Variants in GRM7 observed in about 807,000 individuals in gnomAD.
GRM7 encodes glutamate metabotropic receptor 7, also known as metabotropic glutamate receptor 7.
Under a neutral mutation model 84.5 loss-of-function variants are expected in GRM7, and 35 were observed. That is an observed-to-expected ratio of 0.41 (90% CI 0.32 to 0.55). The LOEUF is 0.55. Ranked by LOEUF, GRM7 falls within the 20% of genes least tolerant of loss-of-function variation. The probability of loss-of-function intolerance (pLI) is 0.19; values close to 1 mark genes in which losing one functional copy is unlikely to be tolerated. For missense variants in GRM7, 1,003 were observed against 1,194.6 expected (o/e 0.84, Z 2.36); for synonymous variants, 487 against 455.1 (o/e 1.07, Z -0.89).
At chr3:7,734,428 G>A (rs2106529291) in intron 9 of GRM7, among the ~76,000 whole-genome samples, 1 of 152,320 alleles carries the variant, frequency 6.6e-6, no homozygotes, top group Middle Eastern at 3.4e-3. Flanking sequence ...AAAGTGAACA[G>A]CTTACAGATT....
intron 7 of GRM7, among the ~76,000 whole-genome samples, chr3:7,470,380 G>A (rs1698649793): frequency 6.6e-6 from 1 of 152,176 alleles, no homozygotes; most frequent in Non-Finnish European, 1.5e-5. Flanking sequence ...GACTGCCTTA[G>A]TAAAGAAAAT....
At chr3:7,351,544 C>T (rs1042413389) in intron 4 of GRM7, among the ~76,000 whole-genome samples, 1 of 151,700 alleles carries the variant, frequency 6.6e-6, no homozygotes, top group Non-Finnish European at 1.5e-5. Flanking sequence ...GAGGGTATCT[C>T]CAGAGGAGAT....
At chr3:7,228,175 G>A (rs991027194) in intron 2 of GRM7, among the ~76,000 whole-genome samples, 3 of 152,078 alleles carry the variant, frequency 2.0e-5, no homozygotes, top group Non-Finnish European at 4.4e-5. Context: ...CAAATTTGAG[G>A]CACATGAACT....
chr3:6,864,210 C>T (rs1388536694), intron 1 of GRM7, among the ~76,000 whole-genome samples: 3 of 152,122 alleles, frequency 2.0e-5, no homozygotes, highest in Non-Finnish European at 4.4e-5. Context: ...TTTTCACCTG[C>T]GTTTATGGAG....
intron 1 of GRM7, among the ~76,000 whole-genome samples, chr3:7,020,495 C>G (rs192992654): frequency 6.6e-6 from 1 of 152,304 alleles, no homozygotes; most frequent in African/African-American, 2.4e-5. Flanking sequence ...AAACATTGGG[C>G]TTCATTGTTC....
At chr3:7,095,056 T>C (rs1202887047) in intron 1 of GRM7, among the ~76,000 whole-genome samples, 2 of 151,924 alleles carry the variant, frequency 1.3e-5, no homozygotes, top group Non-Finnish European at 2.9e-5. Context: ...TCCTACAATA[T>C]GTTCTTAGGT....
Position 6,945,896 on chromosome 3 carries a change from T to A in GRM7, c.519+83989T>A, listed in dbSNP as rs538901228. Among the ~76,000 whole-genome samples the A allele has an allele frequency of 5.9e-5, 9 of 152,340 alleles. No homozygotes were observed. In the South Asian group the frequency reaches 1.7e-3, roughly 28 times the overall value. ...GTGTCTGTTCATATCCTTCACCCAC[T>A]TTTTGGTGGGGTTGTTTTTTTCTTG... is the stretch of plus-strand genomic sequence containing the variant. On this transcript the variant is annotated intron_variant, in intron 1 of 9. Coordinates refer to ENST00000357716, the MANE Select transcript of GRM7 (RefSeq NM_000844.4).
At chr3:7,541,732 C>G (rs1388746561) in intron 7 of GRM7, among the ~76,000 whole-genome samples, 1 of 152,196 alleles carries the variant, frequency 6.6e-6, no homozygotes, top group Non-Finnish European at 1.5e-5. Flanking sequence ...GGCTTGCCTT[C>G]AATCACTTAG....
chr3:7,327,266 C>A (rs1298652598), intron 4 of GRM7, among the ~76,000 whole-genome samples: 3 of 152,196 alleles, frequency 2.0e-5, no homozygotes, highest in South Asian at 2.1e-4. Context: ...AGTGAATATT[C>A]ATGAATTTCT....
At chr3:7,227,379 G>T (rs1697017374) in intron 2 of GRM7, among the ~76,000 whole-genome samples, 1 of 152,146 alleles carries the variant, frequency 6.6e-6, no homozygotes, top group Admixed American at 6.5e-5. Context: ...GTTGCCTTGG[G>T]AATGTCTACC....
intron 2 of GRM7, among the ~76,000 whole-genome samples, chr3:7,250,471 C>A (rs9311984): frequency 1 from 151,529 of 151,530 alleles, 75,764 homozygotes; most frequent in Middle Eastern, 1. Context: ...ATGTGTGTGC[C>A]TATACACATA....
intron 7 of GRM7, among the ~76,000 whole-genome samples, chr3:7,506,404 T>C (rs1700040815): frequency 6.6e-6 from 1 of 152,194 alleles, no homozygotes. Flanking sequence ...TTCATGATAA[T>C]AAAGACTTTT....
intron 7 of GRM7, among the ~76,000 whole-genome samples, chr3:7,466,248 C>T (rs1458633339): frequency 1.3e-5 from 2 of 152,092 alleles, no homozygotes; most frequent in East Asian, 1.9e-4. Context: ...CCCAAGTTCA[C>T]AGTCTAGGTA....
chr3:6,884,390 T>C (rs1695617648), intron 1 of GRM7: 1 of 152,584 alleles, frequency 6.6e-6, no homozygotes, highest in African/African-American at 2.4e-5. Context: ...TTCTAAAATA[T>C]TGTACACACT....
rs1559412000 is a variant in GRM7, at chr3:7,572,876, AT to A, written c.1516-5545del. On this transcript the variant is annotated intron_variant, in intron 7 of 9. Coordinates refer to ENST00000357716, the MANE Select transcript of GRM7 (RefSeq NM_000844.4). Reference sequence around the variant, plus strand: ...TATATATATATATATATATATATATATATAAATAATCTTTCTACCTATAATA... The same window carrying A: ...TATATATATATATATATATATATATAATAAATAATCTTTCTACCTATAATA... 2.5e-3 allele frequency among the ~76,000 whole-genome samples: 217 copies of A among 88,284 alleles called. 13 individuals carry two copies. The highest frequency in any genetic ancestry group is 4.0e-3 in the African/African-American group (87 of 21,554). The allele number at this position is 88,284 out of a possible 152,430, so 57.9% of individuals were successfully genotyped here. A position where few individuals can be genotyped will look rare whatever the true frequency, so the allele number is the denominator to read the frequency against.
chr3:7,294,395 C>A (rs191464074), intron 2 of GRM7, among the ~76,000 whole-genome samples: 42 of 152,276 alleles, frequency 2.8e-4, no homozygotes, highest in African/African-American at 1.0e-3. Flanking sequence ...ATCCCTCTAT[C>A]CTCCATAATG....
At chr3:6,994,468 G>A (rs1239767178) in intron 1 of GRM7, among the ~76,000 whole-genome samples, 2 of 152,194 alleles carry the variant, frequency 1.3e-5, no homozygotes, top group Non-Finnish European at 2.9e-5. Context: ...TAGTAACAAT[G>A]TTCAAAGAGT....
chr3:7,125,539 G>A (rs894120316), intron 1 of GRM7, among the ~76,000 whole-genome samples: 2 of 152,098 alleles, frequency 1.3e-5, no homozygotes, highest in African/African-American at 2.4e-5. Context: ...CTAAAGATAA[G>A]GTTATGATGT....
At chr3:7,097,169 G>A (rs1223361579) in intron 1 of GRM7, among the ~76,000 whole-genome samples, 1 of 152,128 alleles carries the variant, frequency 6.6e-6, no homozygotes, top group Non-Finnish European at 1.5e-5. Context: ...AGCAGATGGA[G>A]AGTGGTAGAC....
Sources: gnomAD v4.1 joint callset for allele counts (sites outside exome capture counted in the v4.1 genomes callset) on GRCh38, gnomAD v4.1.1 for gene constraint, MANE v1.5 for transcripts, NCBI Gene and HGNC (gene_info 2026-07-23, HGNC 2026-07-21) for gene names.